Variants in ZNF395 observed in about 807,000 individuals in gnomAD.
ZNF395 encodes the protein zinc finger protein 395, also known as HD gene regulatory region-binding protein 2.
ZNF395 carries 20 observed loss-of-function variants against 57.7 expected under a neutral mutation model. The ratio of observed to expected loss-of-function variants is 0.35; its 90% CI spans 0.24 to 0.50. The LOEUF is 0.50. Ranked by LOEUF, ZNF395 falls within the 20% of genes least tolerant of loss-of-function variation. The pLI, the probability that ZNF395 is intolerant of heterozygous loss-of-function variation, is 0.97. For synonymous variants in ZNF395, 295 were observed against 275.9 expected (o/e 1.07, Z -0.69); for missense variants, 606 against 671.2 (o/e 0.90, Z 1.07).
rs1245276580 is a variant in ZNF395, at chr8:28,359,288, G to A, written c.473+304C>T. On this transcript the variant is annotated intron_variant, in intron 3 of 9. Coordinates refer to ENST00000344423, the MANE Select transcript of ZNF395 (RefSeq NM_018660.3). The surrounding 1 kb of genome is among the most constrained non-coding windows in gnomAD (Gnocchi z 4.7). The stretch of plus-strand genomic sequence containing the variant: ...GTGGTGGTGCACGCCTGTAATCCCA[G>A]TTACTCGGGAGGCTGAAGTGGAAGA... Among the ~76,000 whole-genome samples, 1 of 152,190 alleles carries A rather than the reference G, an allele frequency of 6.6e-6. No homozygotes were observed. Among genetic ancestry groups the A allele is most frequent in the African/African-American group, 2.4e-5 (1 of 41,444 alleles).
At chr8:28,362,894 G>C (rs1254435193) in intron 1 of ZNF395, among the ~76,000 whole-genome samples, 1 of 152,202 alleles carries the variant, frequency 6.6e-6, no homozygotes, top group Non-Finnish European at 1.5e-5. Context: ...TACTGGCATA[G>C]TATCTCCACC....
intron 1 of ZNF395, among the ~76,000 whole-genome samples, chr8:28,364,146 G>T (rs1256070692): frequency 6.6e-6 from 1 of 152,178 alleles, no homozygotes; most frequent in East Asian, 1.9e-4. Flanking sequence ...TTCTATTTCT[G>T]ATGAGGTGAC....
At chr8:28,383,133 C>T (rs930596611) in intron 1 of ZNF395, among the ~76,000 whole-genome samples, 2 of 152,330 alleles carry the variant, frequency 1.3e-5, no homozygotes, top group Non-Finnish European at 1.5e-5. Flanking sequence ...TTCCCAAGTC[C>T]TCTTCTACTA....
At chr8:28,373,210 C>T (rs944473196) in intron 1 of ZNF395, among the ~76,000 whole-genome samples, 2 of 152,188 alleles carry the variant, frequency 1.3e-5, no homozygotes, top group African/African-American at 4.8e-5. Flanking sequence ...TCTCCCCACC[C>T]AGGTGGCCAG....
intron 1 of ZNF395, chr8:28,385,029 A>T (rs1242977888): frequency 6.6e-6 from 1 of 152,286 alleles, no homozygotes; most frequent in African/African-American, 2.4e-5. Flanking sequence ...CTGTTTACAC[A>T]ACGCCTAGGG....
rs1024398439 is a variant in ZNF395, at chr8:28,347,849, G to A, written c.*870C>T. On this transcript the variant is annotated 3_prime_UTR_variant, in exon 10 of 10. Coordinates refer to ENST00000344423, the MANE Select transcript of ZNF395 (RefSeq NM_018660.3). The stretch of plus-strand genomic sequence containing the variant: ...TTTCTGAGGCGTCCTTTCAATAACC[G>A]GAGGAAGGCGGCGTCAGGAGGGTGC... 11 of 152,216 alleles carry A rather than the reference G, an allele frequency of 7.2e-5. No individual in the cohort carries two copies. The highest frequency in any genetic ancestry group is 3.3e-4 in the Admixed American group (5 of 15,278). 9.4% of individuals were successfully genotyped at this position (152,216 alleles called of 1,614,324 possible). A position where few individuals can be genotyped will look rare whatever the true frequency, so the allele number is the denominator to read the frequency against.
At chr8:28,381,014 A>AGTGTGTGTGTGTGTGTGTGT (rs10561721) in intron 1 of ZNF395, among the ~76,000 whole-genome samples, 5 of 134,316 alleles carry the variant, frequency 3.7e-5, no homozygotes, top group East Asian at 2.3e-4. Context: ...ACACCCTGCT[A>AGTGTGTGTGTGTGTGTGTGT]GTGTGTGTGT....
chr8:28,368,127 G>A (rs1801934051), intron 1 of ZNF395, among the ~76,000 whole-genome samples: 1 of 152,158 alleles, frequency 6.6e-6, no homozygotes, highest in African/African-American at 2.4e-5. Context: ...GTTCCAGAAG[G>A]AGGTGGGGAG....
rs1449921325 is a variant in ZNF395, at chr8:28,347,729, C to T, written c.*990G>A. 5 of 152,272 alleles carry T rather than the reference C, an allele frequency of 3.3e-5. No individual in the cohort carries two copies. Among genetic ancestry groups the T allele is most frequent in the Admixed American group, 2.0e-4 (3 of 15,280 alleles). The allele number at this position is 152,272 out of a possible 1,614,324, so 9.4% of individuals were successfully genotyped here. A position where few individuals can be genotyped will look rare whatever the true frequency, so the allele number is the denominator to read the frequency against. On this transcript the variant is annotated 3_prime_UTR_variant, in exon 10 of 10. Transcript: ENST00000344423. ...GTGGGGCCAGGAGACAGAAAGGAACCTCCAGAACCTCCCTGGGTCTCTCCC... is the reference window on the plus strand; with the variant it reads ...GTGGGGCCAGGAGACAGAAAGGAACTTCCAGAACCTCCCTGGGTCTCTCCC...
chr8:28,361,238 G>A (rs1450217349), intron 1 of ZNF395, 56 bp from the exon 2 acceptor site: 1 of 1,469,758 alleles, frequency 6.8e-7, no homozygotes. Flanking sequence ...AGCCAGGAAG[G>A]GTCTACTAAA....
At chr8:28,372,339 C>A (rs182529095) in intron 1 of ZNF395, among the ~76,000 whole-genome samples, 1 of 152,086 alleles carries the variant, frequency 6.6e-6, no homozygotes, top group Non-Finnish European at 1.5e-5. Context: ...AGCAAAAGTG[C>A]GCGATAAATG....
intron 9 of ZNF395, 54 bp from the exon 10 acceptor site, chr8:28,348,884 G>A (rs58813962): frequency 6.4e-7 from 1 of 1,571,588 alleles, no homozygotes; most frequent in Non-Finnish European, 8.8e-7. Context: ...GGGCCCAGGA[G>A]AGTGGCCAAG....
intron 7 of ZNF395, among the ~76,000 whole-genome samples, chr8:28,350,882 A>C (rs952184278): frequency 6.6e-6 from 1 of 152,222 alleles, no homozygotes; most frequent in African/African-American, 2.4e-5. Context: ...CCTAAATATC[A>C]CCCTCTGTGA....
At chr8:28,383,259 G>T (rs1305834252) in intron 1 of ZNF395, among the ~76,000 whole-genome samples, 1 of 152,112 alleles carries the variant, frequency 6.6e-6, no homozygotes, top group Non-Finnish European at 1.5e-5. Context: ...GCAAGTTGAG[G>T]CTTGGGGAAT....
Position 28,361,151 on chromosome 8 carries a change from G to T in ZNF395, c.-27C>A, listed in dbSNP as rs145515004. ...CTGCTGCCTCTCCTCTCCTGCGGAG[G>T]CGAAGGGGACACTGAAGCCTCTGCC... On this transcript the variant is annotated 5_prime_UTR_variant, in exon 2 of 10. Coordinates refer to ENST00000344423, the MANE Select transcript of ZNF395 (RefSeq NM_018660.3). 6.2e-7 allele frequency: 1 copy of T among 1,609,158 alleles called. No individual in the cohort carries two copies. The highest frequency in any genetic ancestry group is 2.2e-5 in the East Asian group (1 of 44,888).
intron 1 of ZNF395, among the ~76,000 whole-genome samples, chr8:28,363,555 C>A (rs370344399): frequency 1.3e-5 from 2 of 152,186 alleles, no homozygotes; most frequent in East Asian, 3.9e-4. Context: ...GAGGTGAAGT[C>A]GCAATGCCAT....
chr8:28,366,628 G>A (rs1801913658), intron 1 of ZNF395, among the ~76,000 whole-genome samples: 1 of 152,148 alleles, frequency 6.6e-6, no homozygotes, highest in African/African-American at 2.4e-5. Flanking sequence ...CATCTCTGCT[G>A]ACAAATGCCA....
intron 1 of ZNF395, among the ~76,000 whole-genome samples, chr8:28,368,243 T>C (rs1382603368): frequency 6.6e-6 from 1 of 152,142 alleles, no homozygotes; most frequent in Admixed American, 6.5e-5. Flanking sequence ...CTAGCAATTC[T>C]AGCAGTCTTC....
chr8:28,349,496 C>T (rs917160906), intron 8 of ZNF395, among the ~76,000 whole-genome samples: 12 of 152,212 alleles, frequency 7.9e-5, no homozygotes, highest in Admixed American at 4.6e-4. Context: ...GGGACTTAGA[C>T]GGAGCCGCTA....
Sources: gnomAD v4.1 joint callset for allele counts (sites outside exome capture counted in the v4.1 genomes callset) on GRCh38, gnomAD v4.1.1 for gene constraint, Gnocchi (gnomAD v3.1) non-coding constraint, MANE v1.5 for transcripts, NCBI Gene and HGNC (gene_info 2026-07-23, HGNC 2026-07-21) for gene names.